The following KIF23 variants were observed in gnomAD, a reference collection of about 807,000 sequenced individuals.
KIF23 encodes the protein kinesin family member 23.
In KIF23, 30 loss-of-function variants were observed where a neutral mutation model predicts 137.5. The observed-to-expected ratio is 0.22, with a 90% CI of 0.16 to 0.30. The LOEUF is 0.30. Ranked by LOEUF, KIF23 falls within the 10% of genes least tolerant of loss-of-function variation. The probability of loss-of-function intolerance (pLI) is 1.00; values close to 1 mark genes in which losing one functional copy is unlikely to be tolerated. For missense variants in KIF23, 920 were observed against 1,194.3 expected, an observed-to-expected ratio of 0.77 and a Z score of 3.38; for synonymous variants, 367 against 391.1, an observed-to-expected ratio of 0.94 and a Z score of 0.73.
At position 69,429,029 on chromosome 15, in the gene KIF23, GC is replaced by G. The variant is rs139545745; in HGVS notation, c.1012-81del. The G allele has an allele frequency of 3.4e-3, 3,093 of 901,360 alleles. 59 individuals are homozygous for G. The African/African-American group carries it at 0.047, about 14-fold the overall frequency. 55.8% of individuals were successfully genotyped at this position (901,360 alleles called of 1,614,324 possible). ...CTGTGCAAATGTTCATTAAGACTTA[GC>G]TTGTTGATATGAATCTATTTAAAGA... On this transcript the variant is annotated intron_variant, in intron 10 of 23. Coordinates refer to ENST00000679126, the MANE Select transcript of KIF23 (RefSeq NM_001367805.3).
intron 3 of KIF23, 93 bp downstream of exon 3, chr15:69,417,604 C>T (rs764712164): frequency 1.1e-5 from 15 of 1,351,234 alleles, no homozygotes; most frequent in Non-Finnish European, 1.4e-5. Context: ...CATTTGTGAG[C>T]CCACATTTTC....
chr15:69,447,692 C>A, intron 23 of KIF23, 100 bp from the exon 24 acceptor site: 2 of 1,084,532 alleles, frequency 1.8e-6, no homozygotes, highest in Non-Finnish European at 2.7e-6. Flanking sequence ...ATTATCTCAT[C>A]ATAAAACAGC....
intron 1 of KIF23, 149 bp from the exon 2 acceptor site, chr15:69,415,845 T>G: frequency 1.7e-6 from 1 of 575,200 alleles, no homozygotes; most frequent in Non-Finnish European, 3.0e-6. Context: ...GCTACTATGA[T>G]TATTAATGTT....
intron 8 of KIF23, 124 bp downstream of exon 8, chr15:69,425,447 C>A: frequency 2.5e-6 from 2 of 803,152 alleles, no homozygotes; most frequent in Non-Finnish European, 4.0e-6. Flanking sequence ...TGTCTCTAAG[C>A]CCTCCTTGCT....
At chr15:69,428,959 T>C in intron 10 of KIF23, 152 bp from the exon 11 acceptor site, 1 of 518,512 alleles carries the variant, frequency 1.9e-6, no homozygotes, top group Non-Finnish European at 3.4e-6. Flanking sequence ...TCTAGCAAAC[T>C]CTCCCCTAAA....
At chr15:69,435,026 TC>T in intron 11 of KIF23, 1 of 580,488 alleles carries the variant, frequency 1.7e-6, no homozygotes, top group South Asian at 2.4e-5. Flanking sequence ...CGTTGGCATC[TC>T]CCTGGTGTGG....
intron 19 of KIF23, among the ~76,000 whole-genome samples, chr15:69,441,702 G>GA (rs5813538): frequency 0.82 from 124,464 of 151,890 alleles, 53,853 homozygotes; most frequent in Non-Finnish European, 0.97. Context: ...TCACATCCAA[G>GA]AAAATCAACA....
At position 69,435,906 on chromosome 15, in the gene KIF23, G is replaced by T. The variant is rs563910828; in HGVS notation, c.1314+135G>T. 13 of 1,290,970 alleles carry T rather than the reference G, an allele frequency of 1.0e-5. No homozygotes were observed. In the South Asian group the frequency reaches 1.6e-4, roughly 16 times the overall value. 80.0% of individuals were successfully genotyped at this position (1,290,970 alleles called of 1,614,324 possible). A position where few individuals can be genotyped will look rare whatever the true frequency, so the allele number is the denominator to read the frequency against. On this transcript the variant is annotated intron_variant, in intron 13 of 23. Transcript: ENST00000679126. ...TGATTGTAGAAGTAAACTAGGCTTG[G>T]TGTGGTGGCTTATGCTTATAATCCC...
rs1318069844 is a variant in KIF23 at position 69,441,047 on chromosome 15, G to GGA, written c.2389_2390insGA (p.Glu797GlyfsTer3). 1 of 1,613,900 alleles carries GGA rather than the reference G, an allele frequency of 6.2e-7. No homozygotes were observed. Among genetic ancestry groups the GGA allele is most frequent in the Non-Finnish European group, 8.5e-7 (1 of 1,179,838 alleles). ...GGAGGTGGTTCCTACATTCAGAAAT[G>GGA]AGATAGAAATAGAAGAGGATCATTG... On this transcript the variant is annotated frameshift_variant, in exon 19 of 24. Coordinates refer to ENST00000679126, the MANE Select transcript of KIF23 (RefSeq NM_001367805.3). LOFTEE classifies it high-confidence loss of function.
intron 11 of KIF23, among the ~76,000 whole-genome samples, chr15:69,431,931 T>C (rs879488278): frequency 6.6e-6 from 1 of 152,236 alleles, no homozygotes; most frequent in African/African-American, 2.4e-5. Flanking sequence ...CAAAGGACTC[T>C]TGCAATTTGT....
intron 17 of KIF23, 30 bp downstream of exon 17, chr15:69,440,107 A>G (rs2057578390): frequency 6.3e-7 from 1 of 1,598,096 alleles, no homozygotes; most frequent in Admixed American, 1.8e-5. Context: ...TGCTTGTCTC[A>G]GAGTCGGATG....
rs1458591040 is a variant in KIF23, at chr15:69,448,370, C to A, written c.*563C>A. The A allele has an allele frequency of 1.3e-5, 2 of 152,556 alleles. No homozygotes were observed. The highest frequency in any genetic ancestry group is 2.9e-5 in the Non-Finnish European group (2 of 68,034). The allele number at this position is 152,556 out of a possible 1,614,324, so 9.5% of individuals were successfully genotyped here. ...GTTTTGAATTCTGTATGTATATATT[C>A]ACTTTCTGACATTTAGATATGCCAA... On this transcript the variant is annotated 3_prime_UTR_variant, in exon 24 of 24. Coordinates refer to ENST00000679126, the MANE Select transcript of KIF23 (RefSeq NM_001367805.3).
rs2057190843 is a variant in KIF23 at position 69,426,331 on chromosome 15, C to T, written c.890-5C>T. On this transcript the variant is annotated splice_region_variant and splice_polypyrimidine_tract_variant and intron_variant, in intron 9 of 23. Coordinates refer to ENST00000679126, the MANE Select transcript of KIF23 (RefSeq NM_001367805.3). ...GTTTGACCAATGATTTCTCTGTTGT[C>T]CTAGGCCAGAAAAAGAGACGTATTG... 6.2e-7 allele frequency: 1 copy of T among 1,613,938 alleles called. No homozygotes were observed. Among genetic ancestry groups the T allele is most frequent in the Non-Finnish European group, 8.5e-7 (1 of 1,179,958 alleles).
Position 69,436,120 on chromosome 15 carries a change from A to T in KIF23, c.1315-18A>T. ...ATATCCTTATTTTTTTTTAAACTCC[A>T]TTTGTTTTGTGTTTTAGCAAGTCAT... On this transcript the variant is annotated intron_variant, in intron 13 of 23. Coordinates refer to ENST00000679126, the MANE Select transcript of KIF23 (RefSeq NM_001367805.3). 1.2e-6 allele frequency: 2 copies of T among 1,600,208 alleles called. No homozygotes were observed. The highest frequency in any genetic ancestry group is 1.7e-6 in the Non-Finnish European group (2 of 1,176,530).
At position 69,416,463 on chromosome 15, in the gene KIF23, A is replaced by C. The variant is rs559486661; in HGVS notation, c.81+400A>C. On this transcript the variant is annotated intron_variant, in intron 2 of 23. Transcript: ENST00000679126. ...GTTTAATTCAGTTAAATTATGAAGAAAAAATGAAGCAGGCAAAAAGAATAA... is the reference window on the plus strand; with the variant it reads ...GTTTAATTCAGTTAAATTATGAAGACAAAATGAAGCAGGCAAAAAGAATAA... Among the ~76,000 whole-genome samples the C allele has an allele frequency of 6.0e-4, 92 of 152,344 alleles. 1 individual carries two copies. The highest frequency in any genetic ancestry group is 5.8e-4 in the East Asian group (3 of 5,194).
At chr15:69,435,801 C>T (rs1213412864) in intron 13 of KIF23, 30 bp downstream of exon 13, 2 of 1,599,130 alleles carry the variant, frequency 1.3e-6, no homozygotes, top group East Asian at 2.2e-5. Context: ...CCTATAAAGT[C>T]TTGAGTTTTT....
At chr15:69,437,757 C>T (rs1164473884) in intron 15 of KIF23, among the ~76,000 whole-genome samples, 1 of 152,114 alleles carries the variant, frequency 6.6e-6, no homozygotes, top group Admixed American at 6.6e-5. Context: ...CCATGCCTGG[C>T]TCTACTATTT....
At chr15:69,443,686 C>T (rs1431717309) in intron 19 of KIF23, 2 of 152,096 alleles carry the variant, frequency 1.3e-5, no homozygotes, top group African/African-American at 2.4e-5. Flanking sequence ...TTCATTGCTT[C>T]AAACTATAAC....
intron 19 of KIF23, 24 bp downstream of exon 19, chr15:69,441,103 G>T (rs762073527): frequency 5.8e-6 from 9 of 1,547,814 alleles, no homozygotes; most frequent in South Asian, 4.8e-5. Flanking sequence ...TTATTTTAAC[G>T]CATTGTAGCA....
Sources: allele counts gnomAD v4.1 joint callset (sites outside exome capture counted in the v4.1 genomes callset), GRCh38; gene constraint gnomAD v4.1.1; transcripts MANE v1.5; gene names NCBI Gene and HGNC (gene_info 2026-07-23, HGNC 2026-07-21).